The following SPSB4 variants were observed in gnomAD, a reference collection of about 807,000 sequenced individuals.
SPSB4 encodes splA/ryanodine receptor domain and SOCS box containing 4, also known as SPRY domain-containing SOCS box protein 4.
Under a neutral mutation model 20.9 loss-of-function variants are expected in SPSB4, and 21 were observed. That is an observed-to-expected ratio of 1.01 (90% CI 0.71 to 1.45). The LOEUF (loss-of-function observed/expected upper bound fraction) is 1.45. SPSB4 is among the 40% of genes most tolerant of loss of function. The pLI is 0.00. For missense variants in SPSB4, 399 were observed against 399.2 expected, an observed-to-expected ratio of 1.00 and a Z score of 0.00; for synonymous variants, 207 against 183.8, an observed-to-expected ratio of 1.13 and a Z score of -1.02.
chr3:141,096,503 C>T (rs1938549605), intron 2 of SPSB4, among the ~76,000 whole-genome samples: 1 of 152,172 alleles, frequency 6.6e-6, no homozygotes, highest in Admixed American at 6.5e-5. Context: ...ATTTCCAAGG[C>T]CTAAAAACAG....
rs753764615 is a variant in SPSB4 at position 141,066,174 on chromosome 3, C to A, written c.70C>A (p.Arg24=). 2.6e-6 allele frequency: 4 copies of A among 1,532,084 alleles called. No homozygotes were observed. Among genetic ancestry groups the A allele is most frequent in the African/African-American group, 1.4e-5 (1 of 70,742 alleles). The allele number at this position is 1,532,084 out of a possible 1,614,324, so 94.9% of individuals were successfully genotyped here. ...VREPALRPAK[R]ELRGAEPGRP... ...AGAGCCGGCGCTGCGGCCGGCCAAG[C>A]GGGAGCTGCGGGGTGCAGAGCCCGG... Residue 24 remains arginine (R), a synonymous_variant, in exon 2 of 3, where the codon CGG becomes AGG. Coordinates refer to ENST00000310546, the MANE Select transcript of SPSB4 (RefSeq NM_080862.3).
intron 2 of SPSB4, among the ~76,000 whole-genome samples, chr3:141,070,037 G>C (rs1290718866): frequency 6.6e-6 from 1 of 152,164 alleles, no homozygotes; most frequent in Non-Finnish European, 1.5e-5. Context: ...CAAACCTTCT[G>C]CAAGTGGAAT....
At chr3:141,143,322 G>A (rs1000967240) in intron 2 of SPSB4, among the ~76,000 whole-genome samples, 3 of 152,180 alleles carry the variant, frequency 2.0e-5, no homozygotes, top group Non-Finnish European at 4.4e-5. Flanking sequence ...CCTTGATGTG[G>A]TACTCTCCTG....
chr3:141,130,442 G>C (rs1939115139), intron 2 of SPSB4, among the ~76,000 whole-genome samples: 1 of 152,170 alleles, frequency 6.6e-6, no homozygotes, highest in Non-Finnish European at 1.5e-5. Flanking sequence ...TTGCACATGT[G>C]TGTGTCTCCT....
rs531160747 is a variant in SPSB4, at chr3:141,056,941, G to C, written c.-154+4949G>C. On this transcript the variant is annotated intron_variant, in intron 1 of 2. Coordinates refer to ENST00000310546, the MANE Select transcript of SPSB4 (RefSeq NM_080862.3). Reference sequence around the variant, plus strand: ...CTAGCAAACCTCCTTCATCCCATTTGCTGCTCTCCTTGCTGGCTGACAGCC... The same window carrying C: ...CTAGCAAACCTCCTTCATCCCATTTCCTGCTCTCCTTGCTGGCTGACAGCC... Among the ~76,000 whole-genome samples the C allele has an allele frequency of 1.0e-3, 158 of 152,376 alleles. 1 individual carries two copies. Among genetic ancestry groups the C allele is most frequent in the African/African-American group, 3.5e-3 (146 of 41,590 alleles).
At chr3:141,094,488 T>C (rs763760123) in intron 2 of SPSB4, among the ~76,000 whole-genome samples, 9 of 152,164 alleles carry the variant, frequency 5.9e-5, no homozygotes, top group Non-Finnish European at 1.2e-4. Flanking sequence ...TAGACAGCTG[T>C]TGCATGCACT....
At chr3:141,092,677 T>G (rs1938478133) in intron 2 of SPSB4, among the ~76,000 whole-genome samples, 1 of 152,190 alleles carries the variant, frequency 6.6e-6, no homozygotes, top group Non-Finnish European at 1.5e-5. Context: ...GGGCTCAGGC[T>G]CTTGCTGTGG....
At chr3:141,140,149 G>A (rs533875449) in intron 2 of SPSB4, among the ~76,000 whole-genome samples, 5 of 152,050 alleles carry the variant, frequency 3.3e-5, no homozygotes, top group Admixed American at 6.5e-5. Flanking sequence ...TTGTGCATTC[G>A]TCACGTGGTT....
At chr3:141,142,576 T>C (rs1576545392) in intron 2 of SPSB4, among the ~76,000 whole-genome samples, 2 of 152,166 alleles carry the variant, frequency 1.3e-5, no homozygotes, top group Admixed American at 1.3e-4. Context: ...TAGGGTATAG[T>C]TGAACTCCAT....
chr3:141,086,993 G>A (rs1938356251), intron 2 of SPSB4, among the ~76,000 whole-genome samples: 2 of 152,190 alleles, frequency 1.3e-5, no homozygotes, highest in South Asian at 4.1e-4. Context: ...CAGAGGAGCA[G>A]GCCCTGCGTT....
At chr3:141,080,972 G>C (rs982959943) in intron 2 of SPSB4, among the ~76,000 whole-genome samples, 3 of 152,130 alleles carry the variant, frequency 2.0e-5, no homozygotes, top group African/African-American at 7.2e-5. Context: ...CTGTGACCTC[G>C]GGGAAGTCAG....
intron 2 of SPSB4, among the ~76,000 whole-genome samples, chr3:141,117,817 T>C (rs1281926273): frequency 6.6e-6 from 1 of 152,270 alleles, no homozygotes; most frequent in Non-Finnish European, 1.5e-5. Context: ...TCCATGTCCC[T>C]GCAAAGGACA....
At chr3:141,076,566 A>G (rs940051507) in intron 2 of SPSB4, among the ~76,000 whole-genome samples, 1 of 152,204 alleles carries the variant, frequency 6.6e-6, no homozygotes, top group African/African-American at 2.4e-5. Flanking sequence ...AGCATAGCTC[A>G]TTTAATCTCC....
chr3:141,083,196 C>T (rs1282998819), intron 2 of SPSB4, among the ~76,000 whole-genome samples: 1 of 152,190 alleles, frequency 6.6e-6, no homozygotes, highest in Non-Finnish European at 1.5e-5. Context: ...CCCCAGGTGC[C>T]CTCACTAGAG....
chr3:141,088,086 T>G (rs375831972), intron 2 of SPSB4, among the ~76,000 whole-genome samples: 1 of 151,478 alleles, frequency 6.6e-6, no homozygotes, highest in Non-Finnish European at 1.5e-5. Flanking sequence ...CCCAAGGGGG[T>G]CTCTCTGCTC....
chr3:141,134,827 C>A (rs1214376760), intron 2 of SPSB4, among the ~76,000 whole-genome samples: 1 of 149,016 alleles, frequency 6.7e-6, no homozygotes, highest in Non-Finnish European at 1.5e-5. Flanking sequence ...GTGATACTGG[C>A]TTCATAGAAT....
chr3:141,121,474 G>A (rs552726656), intron 2 of SPSB4, among the ~76,000 whole-genome samples: 2 of 152,222 alleles, frequency 1.3e-5, no homozygotes, highest in African/African-American at 4.8e-5. Context: ...GCTAGGTTGG[G>A]GAAGTTCTCC....
chr3:141,070,516 A>T (rs1464808187), intron 2 of SPSB4, among the ~76,000 whole-genome samples: 1 of 151,686 alleles, frequency 6.6e-6, no homozygotes, highest in African/African-American at 2.4e-5. Flanking sequence ...TATGAATGAA[A>T]CTGGCTCAGG....
intron 2 of SPSB4, among the ~76,000 whole-genome samples, chr3:141,087,829 G>A (rs1226209523): frequency 1.3e-5 from 2 of 152,184 alleles, no homozygotes; most frequent in African/African-American, 2.4e-5. Flanking sequence ...AGTTGCTGCC[G>A]GATGCGTTCT....
Sources: gnomAD v4.1 joint callset for allele counts (sites outside exome capture counted in the v4.1 genomes callset) on GRCh38, gnomAD v4.1.1 for gene constraint, MANE v1.5 for transcripts, NCBI Gene and HGNC (gene_info 2026-07-23, HGNC 2026-07-21) for gene names.